The following GABRB1 variants were observed in gnomAD, a reference collection of about 807,000 sequenced individuals.
GABRB1 encodes gamma-aminobutyric acid type A receptor subunit beta1, also known as gamma-aminobutyric acid receptor subunit beta-1.
A neutral mutation model predicts 51.6 loss-of-function variants in GABRB1; 17 were observed. The observed-to-expected ratio is 0.33, with a 90% CI of 0.23 to 0.49. GABRB1 has a LOEUF of 0.49. GABRB1 is among the 20% of genes least tolerant of loss of function. The pLI is 0.99. For synonymous variants in GABRB1, 247 were observed against 218.9 expected, an observed-to-expected ratio of 1.13 and a Z score of -1.14; for missense variants, 410 against 600.6, an observed-to-expected ratio of 0.68 and a Z score of 3.32.
At chr4:47,147,710 C>T (rs780444363) in intron 3 of GABRB1, among the ~76,000 whole-genome samples, 1 of 152,010 alleles carries the variant, frequency 6.6e-6, no homozygotes, top group Admixed American at 6.6e-5. Context: ...CTGTTCAATA[C>T]GATTTAGCTA....
intron 5 of GABRB1, among the ~76,000 whole-genome samples, 174 bp from the exon 6 acceptor site, chr4:47,403,144 A>C (rs1728455031): frequency 6.6e-6 from 1 of 152,236 alleles, no homozygotes; most frequent in Non-Finnish European, 1.5e-5. Context: ...TCTTTCAATG[A>C]AGCTACTAAC....
At chr4:47,071,325 A>G (rs1403471318) in intron 3 of GABRB1, among the ~76,000 whole-genome samples, 16 of 152,210 alleles carry the variant, frequency 1.1e-4, no homozygotes, top group Admixed American at 1.0e-3. Context: ...TTAAGCACCA[A>G]GTCAGATCAT....
chr4:47,049,879 G>A, intron 3 of GABRB1, among the ~76,000 whole-genome samples: 1 of 152,154 alleles, frequency 6.6e-6, no homozygotes, highest in Non-Finnish European at 1.5e-5. Context: ...GAGGTAGGCT[G>A]TTTGAGAGAT....
intron 4 of GABRB1, among the ~76,000 whole-genome samples, chr4:47,313,252 T>C (rs1389196744): frequency 6.6e-6 from 1 of 152,210 alleles, no homozygotes; most frequent in African/African-American, 2.4e-5. Context: ...CAGTTAATGC[T>C]TTTGCCTTTA....
intron 3 of GABRB1, among the ~76,000 whole-genome samples, chr4:47,063,946 C>T (rs959647291): frequency 6.6e-6 from 1 of 152,106 alleles, no homozygotes; most frequent in African/African-American, 2.4e-5. Flanking sequence ...GGCTTAATAC[C>T]TAGGTACTGG....
intron 4 of GABRB1, among the ~76,000 whole-genome samples, chr4:47,299,105 T>C (rs146600657): frequency 0.99 from 149,575 of 151,402 alleles, 73,895 homozygotes; most frequent in East Asian, 1. Flanking sequence ...GGATTAAAGA[T>C]TTAAATGTTA....
At chr4:47,321,818 G>T (rs1725096462) in intron 5 of GABRB1, among the ~76,000 whole-genome samples, 1 of 152,082 alleles carries the variant, frequency 6.6e-6, no homozygotes, top group African/African-American at 2.4e-5. Context: ...TTGACATACA[G>T]CAACCTCTTG....
chr4:47,329,109 A>G (rs1455546930), intron 5 of GABRB1, among the ~76,000 whole-genome samples: 1 of 152,164 alleles, frequency 6.6e-6, no homozygotes, highest in Admixed American at 6.6e-5. Flanking sequence ...GAGTAGTTCT[A>G]TAAAAGTCTG....
In GABRB1 at chr4:47,426,081, T is replaced by TCC; in HGVS notation, c.*66_*67dup. On this transcript the variant is annotated 3_prime_UTR_variant, in exon 9 of 9. Transcript: ENST00000295454. ...TTCTATTGTTTTTTAACCTTACAGG[T>TCC]CCCCAACAGCGATACTGCTGTTTCT... 1 of 1,323,044 alleles carries TCC rather than the reference T, an allele frequency of 7.6e-7. No homozygotes were observed. The highest frequency in any genetic ancestry group is 1.0e-6 in the Non-Finnish European group (1 of 967,306). The allele number at this position is 1,323,044 out of a possible 1,614,324, so 82.0% of individuals were successfully genotyped here. A position where few individuals can be genotyped will look rare whatever the true frequency, so the allele number is the denominator to read the frequency against.
rs1717866636 is a variant in GABRB1, at chr4:47,159,973, G to C, written c.241-1276G>C. Among the ~76,000 whole-genome samples, 2 of 152,032 alleles carry C rather than the reference G, an allele frequency of 1.3e-5. 1 individual carries two copies. The highest frequency in any genetic ancestry group is 1.3e-4 in the Admixed American group (2 of 15,240). On this transcript the variant is annotated intron_variant, in intron 3 of 8. Transcript: ENST00000295454. ...GAACTTTCTGTTTTTATTATGTTGA[G>C]ATTCATATCAAAGACTTTAGGATTT...
At chr4:47,367,509 A>C (rs1322455128) in intron 5 of GABRB1, among the ~76,000 whole-genome samples, 1 of 152,190 alleles carries the variant, frequency 6.6e-6, no homozygotes, top group Non-Finnish European at 1.5e-5. Context: ...ATCTTCGACT[A>C]CCCCAAAAAG....
intron 5 of GABRB1, among the ~76,000 whole-genome samples, chr4:47,344,406 A>T (rs1030741774): frequency 6.6e-6 from 1 of 152,214 alleles, no homozygotes; most frequent in Non-Finnish European, 1.5e-5. Context: ...ATATGGTTAG[A>T]GTACTGGAAG....
chr4:47,225,447 G>A (rs535591267), intron 4 of GABRB1, among the ~76,000 whole-genome samples: 1 of 152,216 alleles, frequency 6.6e-6, no homozygotes, highest in South Asian at 2.1e-4. Context: ...AATTAATTTT[G>A]TGTGATTTAT....
At chr4:47,260,712 G>A (rs939663425) in intron 4 of GABRB1, among the ~76,000 whole-genome samples, 4 of 151,978 alleles carry the variant, frequency 2.6e-5, no homozygotes, top group Non-Finnish European at 5.9e-5. Flanking sequence ...AGTCTGATGG[G>A]CTTCGATACC....
At chr4:47,162,822 T>G (rs1718019997) in intron 4 of GABRB1, among the ~76,000 whole-genome samples, 1 of 152,214 alleles carries the variant, frequency 6.6e-6, no homozygotes, top group South Asian at 2.1e-4. Context: ...CCCAGTTCTT[T>G]GTAGCTTGTT....
At chr4:47,247,833 G>A (rs1337552427) in intron 4 of GABRB1, among the ~76,000 whole-genome samples, 1 of 152,044 alleles carries the variant, frequency 6.6e-6, no homozygotes, top group Non-Finnish European at 1.5e-5. Flanking sequence ...CGTTGTTGGT[G>A]TATAGAAGAG....
At chr4:47,365,736 A>G (rs575089134) in intron 5 of GABRB1, among the ~76,000 whole-genome samples, 2 of 152,292 alleles carry the variant, frequency 1.3e-5, no homozygotes, top group African/African-American at 2.4e-5. Context: ...GCTCATCGCC[A>G]TGGATTGACT....
chr4:47,185,600 G>A (rs1719144359), intron 4 of GABRB1, among the ~76,000 whole-genome samples: 1 of 151,716 alleles, frequency 6.6e-6, no homozygotes, highest in Non-Finnish European at 1.5e-5. Flanking sequence ...GCAGAGCGAT[G>A]GAATCATTCA....
At chr4:47,284,203 C>T (rs555207157) in intron 4 of GABRB1, among the ~76,000 whole-genome samples, 57 of 151,636 alleles carry the variant, frequency 3.8e-4, no homozygotes, top group African/African-American at 1.4e-3. Flanking sequence ...TCGAGATTGA[C>T]AGGCTTTTGG....
Sources: allele counts gnomAD v4.1 joint callset (sites outside exome capture counted in the v4.1 genomes callset), GRCh38; gene constraint gnomAD v4.1.1; transcripts MANE v1.5; gene names NCBI Gene and HGNC (gene_info 2026-07-23, HGNC 2026-07-21).